The following ERICH1 variants were observed in gnomAD, a reference collection of about 807,000 sequenced individuals.
The protein encoded by ERICH1 is glutamate rich 1.
Under a neutral mutation model 39.6 loss-of-function variants are expected in ERICH1, and 56 were observed. That is an observed-to-expected ratio of 1.41 (90% CI 1.14 to 1.77). ERICH1 has a LOEUF of 1.77. Ranked by LOEUF, ERICH1 falls within the 40% of genes most tolerant of loss-of-function variation. The pLI is 0.00. For synonymous variants in ERICH1, 313 were observed against 223.6 expected (o/e 1.40, Z -3.57); for missense variants, 826 against 575.4 (o/e 1.44, Z -4.45).
intron 3 of ERICH1, among the ~76,000 whole-genome samples, chr8:634,168 C>CAAAAAAAAA (rs56687918): frequency 2.8e-4 from 26 of 91,930 alleles, no homozygotes; most frequent in Non-Finnish European, 4.8e-4. Flanking sequence ...TCCTAAAACT[C>CAAAAAAAAA]AAAAAAAAAA....
At chr8:698,957 G>GC in intron 2 of ERICH1, among the ~76,000 whole-genome samples, 1 of 149,208 alleles carries the variant, frequency 6.7e-6, no homozygotes, top group East Asian at 2.0e-4. Flanking sequence ...CAGGGGAACT[G>GC]CAAGTGCCAA....
intron 2 of ERICH1, among the ~76,000 whole-genome samples, chr8:703,528 C>G (rs1442083509): frequency 6.6e-6 from 1 of 152,160 alleles, no homozygotes; most frequent in African/African-American, 2.4e-5. Context: ...GGGACTCACT[C>G]TCTGCAAAGG....
Position 731,198 on chromosome 8 carries a change from G to A in ERICH1, c.-37C>T, listed in dbSNP as rs578099231. 3.1e-5 allele frequency: 46 copies of A among 1,470,610 alleles called. No homozygotes were observed. The Middle Eastern group carries it at 5.3e-4, about 17-fold the overall frequency. 91.1% of individuals were successfully genotyped at this position (1,470,610 alleles called of 1,614,324 possible). ...CCGCGGACCTCAGACCACGGCGCGC[G>A]GTCCTGAGCTGAGCGCCGTGCCTTC... On this transcript the variant is annotated 5_prime_UTR_variant, in exon 1 of 6. Transcript: ENST00000262109.
In ERICH1 at chr8:715,896, TCAGAGGTCACTTTC is replaced by T; in HGVS notation, c.120_133del (p.Lys41GlufsTer8). On this transcript the variant is annotated frameshift_variant, in exon 2 of 6. Coordinates refer to ENST00000262109, the MANE Select transcript of ERICH1 (RefSeq NM_207332.3). LOFTEE classifies it high-confidence loss of function. ...CTCAGCATGTTTCTGGCTCACTTTC[TCAGAGGTCACTTTC>T]TTTGGTGGATTTTGGACGGCCAGCG... 1 of 1,613,916 alleles carries T rather than the reference TCAGAGGTCACTTTC, an allele frequency of 6.2e-7. No individual in the cohort carries two copies. The highest frequency in any genetic ancestry group is 8.5e-7 in the Non-Finnish European group (1 of 1,179,918).
At chr8:713,226 A>G (rs1280110138) in intron 2 of ERICH1, among the ~76,000 whole-genome samples, 1 of 152,224 alleles carries the variant, frequency 6.6e-6, no homozygotes, top group African/African-American at 2.4e-5. Context: ...CTCCAAACAC[A>G]GTCACATTCT....
chr8:633,157 G>A (rs1584969985), intron 3 of ERICH1, among the ~76,000 whole-genome samples: 2 of 152,256 alleles, frequency 1.3e-5, no homozygotes, highest in Admixed American at 6.5e-5. Flanking sequence ...AACCAGTGTG[G>A]AGCCCGCGTG....
intron 2 of ERICH1, among the ~76,000 whole-genome samples, chr8:693,543 C>T (rs1809431289): frequency 6.6e-6 from 1 of 152,172 alleles, no homozygotes; most frequent in Non-Finnish European, 1.5e-5. Context: ...GCTCCTCTAC[C>T]AGAGGTCGTT....
intron 3 of ERICH1, chr8:616,388 G>T (rs557626296): frequency 5.5e-5 from 20 of 363,068 alleles, no homozygotes; most frequent in South Asian, 3.9e-4. Context: ...CGTCCAGAGA[G>T]AAACTCCTGC....
chr8:650,009 GCCCGGCGA>G (rs1799741430), intron 3 of ERICH1, among the ~76,000 whole-genome samples: 1 of 152,228 alleles, frequency 6.6e-6, no homozygotes. Flanking sequence ...CCCGGACCGC[GCCCGGCGA>G]GGGCGGCCTC....
At chr8:616,658 C>T (rs565548329) in intron 3 of ERICH1, 4 of 439,976 alleles carry the variant, frequency 9.1e-6, no homozygotes, top group African/African-American at 2.2e-5. Context: ...CAGACGGGGG[C>T]GCGGGGGACA....
intron 3 of ERICH1, among the ~76,000 whole-genome samples, chr8:636,407 T>G (rs755163801): frequency 2.2e-4 from 33 of 152,218 alleles, no homozygotes; most frequent in Non-Finnish European, 4.7e-4. Context: ...TTTTCATCGT[T>G]CCTCCCTCAT....
intron 3 of ERICH1, among the ~76,000 whole-genome samples, chr8:624,829 C>A (rs1050003578): frequency 9.9e-5 from 15 of 152,100 alleles, no homozygotes; most frequent in Non-Finnish European, 4.4e-5. Context: ...CGGGTTCACG[C>A]CATTCTCCTG....
At chr8:718,953 T>A (rs567099305) in intron 1 of ERICH1, among the ~76,000 whole-genome samples, 85 of 152,230 alleles carry the variant, frequency 5.6e-4, no homozygotes, top group African/African-American at 2.0e-3. Flanking sequence ...TTGTGCGGCT[T>A]CTCTGTGCGC....
chr8:700,344 G>GGCCCGC (rs1811711478), intron 2 of ERICH1, among the ~76,000 whole-genome samples: 5 of 64,988 alleles, frequency 7.7e-5, no homozygotes, highest in Non-Finnish European at 2.1e-4. Context: ...CACGCGCACA[G>GGCCCGC]ATCCGCACAC....
chr8:636,292 T>C (rs2117165235), intron 3 of ERICH1, among the ~76,000 whole-genome samples: 1 of 152,252 alleles, frequency 6.6e-6, no homozygotes, highest in East Asian at 1.9e-4. Flanking sequence ...GGGTTGCACG[T>C]CAACTGGGAA....
intron 1 of ERICH1, among the ~76,000 whole-genome samples, chr8:716,881 C>G (rs559441876): frequency 6.6e-6 from 1 of 152,180 alleles, no homozygotes; most frequent in African/African-American, 2.4e-5. Flanking sequence ...ACGGCCCTAC[C>G]TGGGAACACT....
intron 1 of ERICH1, among the ~76,000 whole-genome samples, chr8:724,968 C>T (rs1021634409): frequency 1.3e-5 from 2 of 152,212 alleles, no homozygotes; most frequent in African/African-American, 2.4e-5. Context: ...GCGCCAGCCA[C>T]GAAGGACCAT....
At chr8:727,184 G>A (rs962105589) in intron 1 of ERICH1, among the ~76,000 whole-genome samples, 1 of 151,976 alleles carries the variant, frequency 6.6e-6, no homozygotes, top group African/African-American at 2.4e-5. Flanking sequence ...AGACACGTGT[G>A]CACAAAGGCA....
intron 3 of ERICH1, among the ~76,000 whole-genome samples, chr8:621,154 T>C (rs1293246099): frequency 1.3e-5 from 2 of 150,900 alleles, no homozygotes; most frequent in African/African-American, 4.9e-5. Flanking sequence ...AATTAAACAA[T>C]ACACTCCTAA....
Sources: gnomAD v4.1 joint callset for allele counts (sites outside exome capture counted in the v4.1 genomes callset) on GRCh38, gnomAD v4.1.1 for gene constraint, MANE v1.5 for transcripts, NCBI Gene and HGNC (gene_info 2026-07-23, HGNC 2026-07-21) for gene names.